The following FBLN7 variants were observed in gnomAD, a reference collection of about 807,000 sequenced individuals.
The protein encoded by FBLN7 is fibulin 7, also known as fibulin-7.
A neutral mutation model predicts 44.0 loss-of-function variants in FBLN7; 31 were observed. That is an observed-to-expected ratio of 0.70 (90% CI 0.53 to 0.95). The LOEUF is 0.95. FBLN7 is among the 40% of genes least tolerant of loss of function. FBLN7 has a pLI of 0.00. For synonymous variants in FBLN7, 262 were observed against 253.4 expected, an observed-to-expected ratio of 1.03 and a Z score of -0.32; for missense variants, 573 against 618.5, an observed-to-expected ratio of 0.93 and a Z score of 0.78.
the FBLN7 span, among the ~76,000 whole-genome samples, chr2:112,240,738 T>C: frequency 1.3e-5 from 2 of 152,222 alleles, no homozygotes; most frequent in African/African-American, 4.8e-5. Context: ...GGCATTGAAA[T>C]ATATAAAATA....
chr2:112,159,154 C>T (rs1165939935), intron 1 of FBLN7, among the ~76,000 whole-genome samples: 2 of 151,344 alleles, frequency 1.3e-5, no homozygotes, highest in South Asian at 2.1e-4. Context: ...CAGAACTGAA[C>T]ATTGACTTTT....
At chr2:112,225,163 A>T in the FBLN7 span, among the ~76,000 whole-genome samples, 1 of 152,188 alleles carries the variant, frequency 6.6e-6, no homozygotes, top group African/African-American at 2.4e-5. Flanking sequence ...TAACTCTAGT[A>T]GGTTTTATTT....
chr2:112,206,717 A>C, the FBLN7 span, among the ~76,000 whole-genome samples: 21 of 139,774 alleles, frequency 1.5e-4, no homozygotes, highest in Non-Finnish European at 2.9e-4. Context: ...GGCTTCTATT[A>C]TCTTTCTTAT....
intron 1 of FBLN7, among the ~76,000 whole-genome samples, chr2:112,141,589 A>G (rs1403379431): frequency 1.3e-5 from 2 of 152,208 alleles, no homozygotes; most frequent in East Asian, 3.9e-4. Context: ...CAACAGAGCA[A>G]TGGGGTCTCC....
At chr2:112,240,057 C>T in the FBLN7 span, among the ~76,000 whole-genome samples, 1 of 152,218 alleles carries the variant, frequency 6.6e-6, no homozygotes, top group African/African-American at 2.4e-5. Flanking sequence ...CCAGACAAGA[C>T]TATCAACCAA....
chr2:112,214,259 A>T, the FBLN7 span: 1 of 152,086 alleles, frequency 6.6e-6, no homozygotes, highest in African/African-American at 2.4e-5. Flanking sequence ...AATTGTTTTT[A>T]TGAAATTATT....
At chr2:112,241,009 TTGTG>T in the FBLN7 span, among the ~76,000 whole-genome samples, 29 of 145,462 alleles carry the variant, frequency 2.0e-4, no homozygotes, top group African/African-American at 4.3e-4. Flanking sequence ...GTGTTGTGTT[TTGTG>T]TGTGTGTGTG....
chr2:112,237,002 A>C, the FBLN7 span, among the ~76,000 whole-genome samples: 6 of 152,242 alleles, frequency 3.9e-5, no homozygotes. Context: ...TCAAGGTTAC[A>C]GTGAGCTATG....
the FBLN7 span, among the ~76,000 whole-genome samples, chr2:112,206,281 C>T: frequency 6.6e-6 from 1 of 152,124 alleles, no homozygotes; most frequent in Admixed American, 6.5e-5. Context: ...ATCAGTTTGC[C>T]TAAAAGTTTA....
chr2:112,160,831 TACACGCAC>T (rs1681820704), intron 2 of FBLN7, among the ~76,000 whole-genome samples: 1 of 123,540 alleles, frequency 8.1e-6, no homozygotes, highest in African/African-American at 3.2e-5. Context: ...CAAGCACGCA[TACACGCAC>T]GCACACGCGC....
At chr2:112,227,481 C>T in the FBLN7 span, among the ~76,000 whole-genome samples, 2 of 152,152 alleles carry the variant, frequency 1.3e-5, no homozygotes, top group Non-Finnish European at 2.9e-5. Flanking sequence ...ACCGAGATCG[C>T]GCCATTTGCA....
the FBLN7 span, among the ~76,000 whole-genome samples, chr2:112,194,499 C>A: frequency 1.3e-4 from 20 of 152,224 alleles, no homozygotes; most frequent in East Asian, 3.3e-3. Flanking sequence ...GTGTTACTAG[C>A]ATGAGTGTTC....
the FBLN7 span, among the ~76,000 whole-genome samples, chr2:112,203,877 G>A: frequency 9.2e-5 from 14 of 152,196 alleles, no homozygotes; most frequent in South Asian, 2.9e-3. Context: ...TCACTACCAC[G>A]AGAACAGTAT....
chr2:112,139,207 C>T (rs1573749499), intron 1 of FBLN7, among the ~76,000 whole-genome samples: 6 of 36,524 alleles, frequency 1.6e-4, no homozygotes, highest in South Asian at 9.9e-4. Flanking sequence ...TCTCTCCAGG[C>T]CAGTGTCCTT....
At chr2:112,154,987 C>A (rs1681342964) in intron 1 of FBLN7, among the ~76,000 whole-genome samples, 1 of 152,184 alleles carries the variant, frequency 6.6e-6, no homozygotes, top group Non-Finnish European at 1.5e-5. Context: ...GACGTCTGTG[C>A]AAGGGAGCAC....
intron 3 of FBLN7, among the ~76,000 whole-genome samples, chr2:112,168,166 C>T (rs1682268655): frequency 1.3e-5 from 2 of 152,178 alleles, no homozygotes; most frequent in African/African-American, 4.8e-5. Context: ...ATTCCAGATG[C>T]ACCTTGTGCT....
At chr2:112,182,051 G>C (rs1056427351) in intron 5 of FBLN7, 175 bp downstream of exon 5, 27 of 792,532 alleles carry the variant, frequency 3.4e-5, no homozygotes, top group Non-Finnish European at 4.5e-5. Context: ...CTAGAAGGCA[G>C]CTAATTCACA....
chr2:112,173,259 T>C (rs1395386766), intron 3 of FBLN7, among the ~76,000 whole-genome samples: 1 of 152,150 alleles, frequency 6.6e-6, no homozygotes, highest in Non-Finnish European at 1.5e-5. Flanking sequence ...TGAAAAGGAT[T>C]CTTGACAAAT....
chr2:112,181,619 G>C, intron 4 of FBLN7, 120 bp from the exon 5 acceptor site: 1 of 1,212,294 alleles, frequency 8.2e-7, no homozygotes, highest in Non-Finnish European at 1.1e-6. Flanking sequence ...CCCTACTCCA[G>C]AGTAAGCCCT....
Sources: gnomAD v4.1 joint callset for allele counts (sites outside exome capture counted in the v4.1 genomes callset) on GRCh38, gnomAD v4.1.1 for gene constraint, MANE v1.5 for transcripts, NCBI Gene and HGNC (gene_info 2026-07-23, HGNC 2026-07-21) for gene names.